Variants in ATXN7L1 observed in about 807,000 individuals in gnomAD.
ATXN7L1 encodes ataxin-7-like protein 1.
In ATXN7L1, 15 loss-of-function variants were observed where a neutral mutation model predicts 70.8. That is an observed-to-expected ratio of 0.21 (90% CI 0.14 to 0.33). The LOEUF is 0.33. Among genes scored for constraint, ATXN7L1 ranks in the 10% least tolerant of loss-of-function variants. The pLI is 1.00. For missense variants in ATXN7L1, 975 were observed against 1,097.1 expected, an observed-to-expected ratio of 0.89 and a Z score of 1.57; for synonymous variants, 440 against 445.1, an observed-to-expected ratio of 0.99 and a Z score of 0.14.
At chr7:105,669,693 C>T (rs1052291283) in intron 3 of ATXN7L1, among the ~76,000 whole-genome samples, 3 of 151,954 alleles carry the variant, frequency 2.0e-5, no homozygotes, top group African/African-American at 2.4e-5. Context: ...GAGGCCAAGG[C>T]GGGTGGATCT....
At chr7:105,616,563 C>T (rs55916591) in intron 9 of ATXN7L1, among the ~76,000 whole-genome samples, 14,391 of 152,258 alleles carry the variant, frequency 0.095, 799 homozygotes, top group Middle Eastern at 0.15. Flanking sequence ...TGTAAGCACT[C>T]AGCAAGGTGC....
At chr7:105,642,694 G>T (rs1798449429) in intron 5 of ATXN7L1, 144 bp downstream of exon 5, 1 of 1,035,408 alleles carries the variant, frequency 9.7e-7, no homozygotes, top group Non-Finnish European at 1.4e-6. Flanking sequence ...TTTTTAGGTG[G>T]GGTTCCTGTT....
intron 10 of ATXN7L1, 184 bp downstream of exon 10, chr7:105,613,678 G>A (rs1396846912): frequency 2.1e-6 from 3 of 1,456,740 alleles, no homozygotes; most frequent in Non-Finnish European, 1.8e-6. Flanking sequence ...CACATAGTGA[G>A]CGTGGTATCA....
At chr7:105,683,398 G>T (rs1805782424) in intron 3 of ATXN7L1, among the ~76,000 whole-genome samples, 1 of 152,062 alleles carries the variant, frequency 6.6e-6, no homozygotes, top group African/African-American at 2.4e-5. Context: ...CTGAATTCAG[G>T]GCCAGGCACA....
At chr7:105,791,268 T>C (rs891792415) in intron 2 of ATXN7L1, among the ~76,000 whole-genome samples, 4 of 152,222 alleles carry the variant, frequency 2.6e-5, no homozygotes, top group African/African-American at 9.6e-5. Flanking sequence ...CCCAACTGTA[T>C]TTTAAAGGGT....
chr7:105,685,001 C>A (rs1376057421), intron 3 of ATXN7L1, among the ~76,000 whole-genome samples: 1 of 150,988 alleles, frequency 6.6e-6, no homozygotes, highest in Non-Finnish European at 1.5e-5. Flanking sequence ...GGGTATTACA[C>A]ACAATGAGCA....
At chr7:105,667,882 G>A (rs557178713) in intron 3 of ATXN7L1, among the ~76,000 whole-genome samples, 12 of 151,970 alleles carry the variant, frequency 7.9e-5, no homozygotes, top group Non-Finnish European at 1.6e-4. Context: ...TTTCTTTTTC[G>A]GCAGAGGCTT....
intron 3 of ATXN7L1, among the ~76,000 whole-genome samples, chr7:105,739,734 A>G (rs1394445920): frequency 6.6e-6 from 1 of 152,230 alleles, no homozygotes; most frequent in East Asian, 1.9e-4. Context: ...AATTCCCAGC[A>G]CTGGGCCTGA....
intron 2 of ATXN7L1, among the ~76,000 whole-genome samples, chr7:105,818,391 T>C (rs1809520642): frequency 6.6e-6 from 1 of 152,156 alleles, no homozygotes; most frequent in Non-Finnish European, 1.5e-5. Flanking sequence ...GGGATCCTCA[T>C]GGGATCCTCC....
intron 11 of ATXN7L1, among the ~76,000 whole-genome samples, chr7:105,610,020 C>T (rs1793011507): frequency 6.6e-6 from 1 of 152,148 alleles, no homozygotes; most frequent in African/African-American, 2.4e-5. Context: ...ATCTACCTGC[C>T]TCAGCCTCCC....
intron 10 of ATXN7L1, among the ~76,000 whole-genome samples, chr7:105,612,113 T>G (rs746300241): frequency 2.0e-5 from 3 of 152,120 alleles, no homozygotes; most frequent in Non-Finnish European, 4.4e-5. Flanking sequence ...CAGAGCCACA[T>G]CTACTCAACA....
intron 3 of ATXN7L1, among the ~76,000 whole-genome samples, chr7:105,677,179 C>T (rs113577157): frequency 1.3e-5 from 2 of 152,182 alleles, no homozygotes; most frequent in Non-Finnish European, 2.9e-5. Flanking sequence ...TTTAAAAGGT[C>T]CTGAGGTGAT....
At chr7:105,775,318 A>G (rs984815930) in intron 3 of ATXN7L1, among the ~76,000 whole-genome samples, 15 of 151,992 alleles carry the variant, frequency 9.9e-5, no homozygotes, top group Non-Finnish European at 2.1e-4. Flanking sequence ...GAACCCAGAA[A>G]GAAAGCCTGG....
chr7:105,715,063 A>G (rs138987863), intron 3 of ATXN7L1, among the ~76,000 whole-genome samples: 528 of 152,276 alleles, frequency 3.5e-3, no homozygotes, highest in African/African-American at 0.012. Flanking sequence ...CATGTCACCC[A>G]TGGGTCCTGG....
chr7:105,766,945 C>T (rs1801340183), intron 3 of ATXN7L1, among the ~76,000 whole-genome samples: 1 of 152,236 alleles, frequency 6.6e-6, no homozygotes, highest in South Asian at 2.1e-4. Context: ...TTCAAAGACG[C>T]TTGCTCTGAA....
chr7:105,675,922 A>G (rs1804581674), intron 3 of ATXN7L1, among the ~76,000 whole-genome samples: 1 of 148,624 alleles, frequency 6.7e-6, no homozygotes, highest in Admixed American at 6.8e-5. Context: ...CTTGGCACCT[A>G]CCATGTGCCA....
chr7:105,830,442 G>A (rs1274732170), intron 2 of ATXN7L1, among the ~76,000 whole-genome samples: 1 of 152,248 alleles, frequency 6.6e-6, no homozygotes, highest in Non-Finnish European at 1.5e-5. Context: ...GCCCCATGGC[G>A]GGTGTGGGGT....
At chr7:105,775,301 G>C (rs1490695329) in intron 3 of ATXN7L1, among the ~76,000 whole-genome samples, 1 of 152,200 alleles carries the variant, frequency 6.6e-6, no homozygotes, top group African/African-American at 2.4e-5. Flanking sequence ...TTTTTCTGGG[G>C]AGGGGGGAAC....
rs745351177 is a variant in ATXN7L1, at chr7:105,788,657, A to G, written c.302T>C (p.Val101Ala). 4.3e-6 allele frequency: 7 copies of G among 1,614,126 alleles called. No homozygotes were observed. Among genetic ancestry groups the G allele is most frequent in the South Asian group, 1.1e-5 (1 of 91,068 alleles). Residue 101 changes from valine to alanine, a missense_variant, in exon 3 of 12, where the codon GTG (valine) becomes GCG (alanine). Around this residue, in one of 5 missense-constraint regions of ATXN7L1, gnomAD observed 135 missense variants for 132.6 expected, o/e 1.02. Coordinates refer to ENST00000419735, the MANE Select transcript of ATXN7L1 (RefSeq NM_020725.2). ...YPAHDDFYLV[V>A]CSACNQVVKP... is the part of the protein sequence containing the mutation. Reference sequence around the variant, plus strand: ...GACGACCTGGTTACAGGCACTGCACACTACGAGATAGAAGTCGTCATGTGC... The same window carrying G: ...GACGACCTGGTTACAGGCACTGCACGCTACGAGATAGAAGTCGTCATGTGC...
Sources: allele counts gnomAD v4.1 joint callset (sites outside exome capture counted in the v4.1 genomes callset), GRCh38; gene constraint gnomAD v4.1.1; regional missense constraint gnomAD v4.1.1; transcripts MANE v1.5; gene names NCBI Gene and HGNC (gene_info 2026-07-23, HGNC 2026-07-21).